The following PIEZO1 variants were observed in gnomAD, a reference collection of about 807,000 sequenced individuals.
The protein encoded by PIEZO1 is piezo type mechanosensitive ion channel component 1 (Er blood group).
A neutral mutation model predicts 297.2 loss-of-function variants in PIEZO1; 296 were observed. That is an observed-to-expected ratio of 1.00 (90% confidence interval 0.91 to 1.10). The LOEUF (loss-of-function observed/expected upper bound fraction) is 1.10, where lower values mean the gene tolerates loss of function less well. PIEZO1 is among the 50% of genes least tolerant of loss of function. The probability of loss-of-function intolerance (pLI) is 0.00; values close to 1 mark genes in which losing one functional copy is unlikely to be tolerated. For synonymous variants in PIEZO1, 2,427 were observed against 1,507.5 expected (o/e 1.61, Z -14.13); for missense variants, 5,018 against 3,455.5 (o/e 1.45, Z -11.34).
rs372984890 is a variant in PIEZO1, at chr16:88,736,230, A to G, written c.1475T>C (p.Leu492Pro). ...YVWAMDLRPE[L>P]PTTLGPVSLR... ...GCTGACGGGGCCCAGGGTGGTGGGC[A>G]GCTCAGGGCGCAGGTCCATGGCCCA... is the stretch of plus-strand genomic sequence containing the variant. Residue 492 changes from leucine (L) to proline (P), a missense_variant, in exon 12 of 51, where the codon CTG becomes CCG. Transcript: ENST00000301015. The G allele has an allele frequency of 6.5e-7, 1 of 1,549,808 alleles. No individual in the cohort carries two copies. Among genetic ancestry groups the G allele is most frequent in the African/African-American group, 1.4e-5 (1 of 73,028 alleles).
chr16:88,755,379 G>GA (rs1036686647), intron 1 of PIEZO1, among the ~76,000 whole-genome samples: 27 of 152,168 alleles, frequency 1.8e-4, no homozygotes, highest in Non-Finnish European at 3.5e-4. Context: ...GTGCAGGAAA[G>GA]AAAAAAAAGA....
At chr16:88,727,801 A>G (rs968166133) in intron 22 of PIEZO1, 140 bp from the exon 23 acceptor site, 1 of 455,284 alleles carries the variant, frequency 2.2e-6, no homozygotes, top group Non-Finnish European at 3.9e-6. Context: ...TGTCTCGAGA[A>G]CTGACAGCTC....
At chr16:88,725,997 C>A in intron 27 of PIEZO1, 2 of 567,200 alleles carry the variant, frequency 3.5e-6, no homozygotes, top group South Asian at 4.4e-5. Context: ...CAGTGGCCCT[C>A]CCGCTGGTGG....
In PIEZO1 at chr16:88,749,419, G is replaced by GGCA; in HGVS notation, c.122_124dup (p.Leu41dup). On this transcript the variant is annotated inframe_insertion, in exon 2 of 51. Coordinates refer to ENST00000301015, the MANE Select transcript of PIEZO1 (RefSeq NM_001142864.4). ...GCATCGGGTGGGGCCGGGGAACCAG[G>GGCA]GCAGCAGCAGCAGGAAGAGCAGGTA... 5 of 1,523,458 alleles carry GGCA rather than the reference G, an allele frequency of 3.3e-6. No individual in the cohort carries two copies. The South Asian group carries it at 4.9e-5, about 15-fold the overall frequency. The allele number at this position is 1,523,458 out of a possible 1,614,324, so 94.4% of individuals were successfully genotyped here.
At chr16:88,751,968 TGTG>T (rs1906413429) in intron 1 of PIEZO1, among the ~76,000 whole-genome samples, 1 of 152,136 alleles carries the variant, frequency 6.6e-6, no homozygotes, top group Non-Finnish European at 1.5e-5. Context: ...GGCACCTTAG[TGTG>T]GTGTGGACAC....
intron 1 of PIEZO1, among the ~76,000 whole-genome samples, chr16:88,770,888 G>A (rs1361603076): frequency 1.3e-5 from 2 of 152,234 alleles, no homozygotes; most frequent in African/African-American, 2.4e-5. Flanking sequence ...TGGGGGCTTG[G>A]GCGAGGAGCT....
rs1485477249 is a variant in PIEZO1, at chr16:88,722,199, G to C, written c.4955+19C>G. On this transcript the variant is annotated intron_variant, in intron 36 of 50. Transcript: ENST00000301015. ...CGAGGGCCATGGTGAGGCTGGTGTT[G>C]TGCGCGTCCCGCCCCCACCTGTCCA... is the stretch of plus-strand genomic sequence containing the variant. 7.8e-6 allele frequency: 12 copies of C among 1,540,998 alleles called. No homozygotes were observed. Among genetic ancestry groups the C allele is most frequent in the Non-Finnish European group, 9.6e-6 (11 of 1,145,054 alleles).
chr16:88,731,559 G>A (rs1187925402), intron 22 of PIEZO1, 147 bp downstream of exon 22: 3 of 628,414 alleles, frequency 4.8e-6, no homozygotes, highest in Non-Finnish European at 2.8e-6. Flanking sequence ...TGGCGCCTGG[G>A]TAGGATGTGG....
At chr16:88,718,169 C>T (rs1195383602) in intron 44 of PIEZO1, 3 of 175,244 alleles carry the variant, frequency 1.7e-5, no homozygotes. Context: ...CAGCGTCGGT[C>T]AACAGGGAAC....
In PIEZO1 at chr16:88,736,408, C is replaced by T. The variant is rs1254828830; in HGVS notation, c.1297G>A (p.Val433Ile). 3 of 1,539,178 alleles carry T rather than the reference C, an allele frequency of 1.9e-6. No individual in the cohort carries two copies. The highest frequency in any genetic ancestry group is 4.9e-5 in the East Asian group (2 of 40,812). Residue 433 changes from valine (V) to isoleucine (I), a missense_variant and splice_region_variant, in exon 12 of 51, where the codon GTA becomes ATA. Physicochemically the swap from Val to Ile is conservative, Grantham distance 29. Coordinates refer to ENST00000301015, the MANE Select transcript of PIEZO1 (RefSeq NM_001142864.4). Reference sequence around the variant, plus strand: ...CAGCTGTGGTAGGTGATGCTCCATACCTGCGCGGCAGAGAGGGCTGCACAG... The same window carrying T: ...CAGCTGTGGTAGGTGATGCTCCATATCTGCGCGGCAGAGAGGGCTGCACAG... ...SYVCALIAMM[V>I]WSITYHSWLT...
chr16:88,727,096 T>C lies in PIEZO1; in HGVS notation c.3398A>G (p.Asp1133Gly). 1 of 1,549,802 alleles carries C rather than the reference T, an allele frequency of 6.5e-7. No homozygotes were observed. The highest frequency in any genetic ancestry group is 8.7e-7 in the Non-Finnish European group (1 of 1,146,618). Residue 1133 changes from aspartate to glycine, a missense_variant, in exon 24 of 51, where the codon GAC becomes GGC. By Grantham distance (94) the Asp-to-Gly change is moderately conservative (BLOSUM62 -1). Coordinates refer to ENST00000301015, the MANE Select transcript of PIEZO1 (RefSeq NM_001142864.4). ...EWQRMAGVNT[D>G]RLEPLRGEPN... ...CTCCCCCCGCAGCGGCTCCAGGCGG[T>C]CGGTGTTGACGCCAGCCATGCGCTG...
chr16:88,742,483 C>G (rs1187299811), intron 2 of PIEZO1, 61 bp from the exon 3 acceptor site: 3 of 1,508,338 alleles, frequency 2.0e-6, no homozygotes, highest in Non-Finnish European at 2.7e-6. Context: ...CAGCCCAGGC[C>G]GCTCAGCCGG....
At chr16:88,741,328 T>A in intron 5 of PIEZO1, 150 bp downstream of exon 5, 1 of 674,064 alleles carries the variant, frequency 1.5e-6, no homozygotes, top group Non-Finnish European at 2.4e-6. Context: ...GGCCCCGGGG[T>A]GGGATTTGGA....
chr16:88,743,820 C>G lies in PIEZO1; in HGVS notation c.161-1398G>C, dbSNP rs188922586. The G allele has an allele frequency of 5.6e-3, 2,055 of 369,196 alleles. 14 individuals are homozygous for G. The highest frequency in any genetic ancestry group is 9.3e-3 in the Non-Finnish European group (1,720 of 184,018). The allele number at this position is 369,196 out of a possible 1,614,324, so 22.9% of individuals were successfully genotyped here. On this transcript the variant is annotated intron_variant, in intron 2 of 50. Coordinates refer to ENST00000301015, the MANE Select transcript of PIEZO1 (RefSeq NM_001142864.4). ...ACACTCACACCTTCCTAGGGTTGCCCCAGGCCCTGACCTGCTGACCCTGCA... is the reference window on the plus strand; with the variant it reads ...ACACTCACACCTTCCTAGGGTTGCCGCAGGCCCTGACCTGCTGACCCTGCA...
Position 88,732,411 on chromosome 16 carries a change from C to T in PIEZO1, c.2915G>A (p.Arg972His), listed in dbSNP as rs949141787. ...PAQAVFASGT[R>H]QQLDQDLLGC... Reference sequence around the variant, plus strand: ...GAGCAGATCCTGGTCCAGCTGCTGGCGGGTGCCGCTGGCAAACACGGCCTG... The same window carrying T: ...GAGCAGATCCTGGTCCAGCTGCTGGTGGGTGCCGCTGGCAAACACGGCCTG... The change falls in exon 21 of 51, where the codon CGC (arginine) becomes CAC (histidine). Residue 972 changes from arginine (R) to histidine (H), a missense_variant. Transcript: ENST00000301015. 1.4e-5 allele frequency: 22 copies of T among 1,549,658 alleles called. No homozygotes were observed. In the East Asian group the frequency reaches 2.9e-4, roughly 21 times the overall value.
intron 44 of PIEZO1, chr16:88,717,520 C>T (rs1597440875): frequency 1.8e-6 from 1 of 542,712 alleles, no homozygotes; most frequent in Non-Finnish European, 3.5e-6. Context: ...TGCCTCATAC[C>T]ATGTGCCAAA....
chr16:88,729,567 T>A (rs12922015), intron 22 of PIEZO1, among the ~76,000 whole-genome samples: 1 of 98,724 alleles, frequency 1.0e-5, no homozygotes, highest in African/African-American at 4.9e-5. Flanking sequence ...GGGAACCTCG[T>A]GACCCAAAAA....
intron 1 of PIEZO1, among the ~76,000 whole-genome samples, chr16:88,753,249 GCGCACCCAGCCCCCCAGAGC>G: frequency 2.8e-5 from 1 of 36,296 alleles, no homozygotes; most frequent in South Asian, 1.5e-3. Flanking sequence ...CCCCCCCAGA[GCGCACCCAGCCCCCCAGAGC>G]TCACCCGCCC....
At chr16:88,723,188 G>T (rs779064128) in intron 32 of PIEZO1, 37 bp from the exon 33 acceptor site, 3 of 1,549,214 alleles carry the variant, frequency 1.9e-6, no homozygotes, top group Non-Finnish European at 2.6e-6. Flanking sequence ...TGGCAGTCCC[G>T]CGGCTTCCCC....
Sources: gnomAD v4.1 joint callset for allele counts (sites outside exome capture counted in the v4.1 genomes callset) on GRCh38, gnomAD v4.1.1 for gene constraint, MANE v1.5 for transcripts, NCBI Gene and HGNC (gene_info 2026-07-23, HGNC 2026-07-21) for gene names.